The following SPIDR variants were observed in gnomAD, a reference collection of about 807,000 sequenced individuals.
SPIDR encodes scaffold protein involved in DNA repair.
A neutral mutation model predicts 104.6 loss-of-function variants in SPIDR; 93 were observed. That is an observed-to-expected ratio of 0.89 (90% confidence interval 0.75 to 1.06). The LOEUF is 1.06. SPIDR is among the 50% of genes least tolerant of loss of function. The pLI, the probability that SPIDR is intolerant of heterozygous loss-of-function variation, is 0.00. For missense variants in SPIDR, 1,154 were observed against 1,111.2 expected (o/e 1.04, Z -0.55); for synonymous variants, 431 against 416.9 (o/e 1.03, Z -0.41).
chr8:47,634,841 A>G (rs777579917), intron 10 of SPIDR, among the ~76,000 whole-genome samples: 4 of 152,212 alleles, frequency 2.6e-5, no homozygotes, highest in Non-Finnish European at 5.9e-5. Context: ...TCTGCTTTGT[A>G]GTGTACTGCC....
chr8:47,512,542 C>A (rs1476429608), intron 8 of SPIDR, among the ~76,000 whole-genome samples: 1 of 152,154 alleles, frequency 6.6e-6, no homozygotes, highest in Admixed American at 6.5e-5. Flanking sequence ...TGATTTAGTG[C>A]AGGCCTCAGC....
intron 1 of SPIDR, among the ~76,000 whole-genome samples, chr8:47,275,115 C>G (rs368748284): frequency 8.9e-4 from 135 of 151,268 alleles, no homozygotes; most frequent in Middle Eastern, 3.4e-3. Flanking sequence ...AAAAATTAGC[C>G]GCGCGTGGTG....
At chr8:47,510,965 A>G in intron 8 of SPIDR, 2 of 638,790 alleles carry the variant, frequency 3.1e-6, no homozygotes, top group East Asian at 5.4e-5. Context: ...AGGAGGGATG[A>G]TCCCCATGGG....
At chr8:47,513,854 G>A (rs1258128005) in intron 8 of SPIDR, among the ~76,000 whole-genome samples, 2 of 152,188 alleles carry the variant, frequency 1.3e-5, no homozygotes, top group Admixed American at 6.5e-5. Context: ...GTCTAAATGT[G>A]TGTTTTCCTA....
intron 8 of SPIDR, among the ~76,000 whole-genome samples, chr8:47,446,433 A>G (rs1003476718): frequency 6.6e-6 from 1 of 152,164 alleles, no homozygotes; most frequent in East Asian, 1.9e-4. Flanking sequence ...CTCATTGACA[A>G]TGCACCTAGT....
chr8:47,448,673 TA>T (rs2071140344), intron 8 of SPIDR, among the ~76,000 whole-genome samples: 1 of 151,902 alleles, frequency 6.6e-6, no homozygotes, highest in Non-Finnish European at 1.5e-5. Flanking sequence ...TACCTGTGTT[TA>T]TGTGTGTGTG....
intron 3 of SPIDR, among the ~76,000 whole-genome samples, chr8:47,287,369 T>G (rs1012505961): frequency 3.3e-5 from 5 of 151,736 alleles, no homozygotes; most frequent in African/African-American, 1.2e-4. Context: ...GATAAACATC[T>G]TAAACAACAG....
chr8:47,288,929 C>T (rs931323728), intron 3 of SPIDR, among the ~76,000 whole-genome samples: 27 of 152,202 alleles, frequency 1.8e-4, no homozygotes, highest in Admixed American at 1.4e-3. Context: ...TATTCCATGA[C>T]ATACATCTGG....
intron 5 of SPIDR, among the ~76,000 whole-genome samples, chr8:47,309,777 G>A: frequency 6.6e-6 from 1 of 152,224 alleles, no homozygotes; most frequent in African/African-American, 2.4e-5. Context: ...AGTGGCTCAC[G>A]CCTGTAATCC....
intron 10 of SPIDR, among the ~76,000 whole-genome samples, chr8:47,601,328 A>G (rs1260500693): frequency 1.3e-5 from 2 of 152,200 alleles, no homozygotes; most frequent in African/African-American, 2.4e-5. Context: ...CACTGCTGAC[A>G]CAGGTAGACA....
intron 5 of SPIDR, chr8:47,388,215 A>C (rs1588054293): frequency 6.6e-6 from 1 of 152,302 alleles, no homozygotes; most frequent in South Asian, 2.1e-4. Flanking sequence ...AGCCATACTT[A>C]TATCTGCTTT....
intron 3 of SPIDR, among the ~76,000 whole-genome samples, chr8:47,285,445 A>G (rs949741075): frequency 1.3e-5 from 2 of 152,220 alleles, no homozygotes; most frequent in Admixed American, 6.5e-5. Context: ...CACACATTAC[A>G]AAAGCATGTT....
intron 16 of SPIDR, 111 bp downstream of exon 16, chr8:47,713,752 G>A: frequency 7.2e-7 from 1 of 1,379,654 alleles, no homozygotes; most frequent in South Asian, 1.4e-5. Context: ...CTAAGTTCCA[G>A]ACACTGGATA....
intron 5 of SPIDR, among the ~76,000 whole-genome samples, chr8:47,362,850 A>G (rs568531031): frequency 4.4e-4 from 67 of 152,242 alleles, no homozygotes; most frequent in Non-Finnish European, 8.1e-4. Flanking sequence ...ACAGAGTTTC[A>G]CCATGTTGGC....
chr8:47,298,664 C>T (rs1386240047), intron 5 of SPIDR, among the ~76,000 whole-genome samples: 1 of 152,188 alleles, frequency 6.6e-6, no homozygotes, highest in African/African-American at 2.4e-5. Context: ...TTTCAGCTTT[C>T]TACATATGGC....
At chr8:47,420,098 T>G (rs1272038142) in intron 7 of SPIDR, among the ~76,000 whole-genome samples, 1 of 152,218 alleles carries the variant, frequency 6.6e-6, no homozygotes, top group Non-Finnish European at 1.5e-5. Flanking sequence ...TCTGTTGATT[T>G]GGGGTGGAGA....
At chr8:47,288,303 T>C (rs980452497) in intron 3 of SPIDR, among the ~76,000 whole-genome samples, 1 of 152,102 alleles carries the variant, frequency 6.6e-6, no homozygotes, top group Non-Finnish European at 1.5e-5. Context: ...TTTTTTTTTT[T>C]GAGATAATGT....
chr8:47,564,468 T>C (rs891074766), intron 8 of SPIDR, among the ~76,000 whole-genome samples: 2 of 152,094 alleles, frequency 1.3e-5, no homozygotes, highest in African/African-American at 2.4e-5. Flanking sequence ...TCACCTGAGG[T>C]TGGGAGTTCA....
chr8:47,361,251 A>G (rs974055775), intron 5 of SPIDR, among the ~76,000 whole-genome samples: 1 of 152,182 alleles, frequency 6.6e-6, no homozygotes, highest in Admixed American at 6.5e-5. Flanking sequence ...CAGTGCATGA[A>G]TTTATCATGG....
Sources: gnomAD v4.1 joint callset for allele counts (sites outside exome capture counted in the v4.1 genomes callset) on GRCh38, gnomAD v4.1.1 for gene constraint, MANE v1.5 for transcripts, NCBI Gene and HGNC (gene_info 2026-07-23, HGNC 2026-07-21) for gene names.